Variants in CHRM3 observed in about 807,000 individuals in gnomAD.
CHRM3 encodes muscarinic acetylcholine receptor M3.
A neutral mutation model predicts 41.8 loss-of-function variants in CHRM3; 11 were observed. The ratio of observed to expected loss-of-function variants is 0.26; its 90% CI spans 0.17 to 0.44. CHRM3 has a LOEUF of 0.44. CHRM3 is among the 20% of genes least tolerant of loss of function. The pLI is 1.00. For missense variants in CHRM3, 571 were observed against 745.4 expected (o/e 0.77, Z 2.72); for synonymous variants, 297 against 301.4 (o/e 0.99, Z 0.15).
intron 1 of CHRM3, among the ~76,000 whole-genome samples, chr1:239,486,286 G>A (rs562618722): frequency 6.6e-6 from 1 of 152,218 alleles, no homozygotes; most frequent in African/African-American, 2.4e-5. Context: ...GATTTACTCT[G>A]GCTGTGGTCT....
chr1:239,483,747 G>A (rs187468455), intron 1 of CHRM3, among the ~76,000 whole-genome samples: 1 of 152,268 alleles, frequency 6.6e-6, no homozygotes, highest in African/African-American at 2.4e-5. Context: ...TAATAAAGTA[G>A]AGACAAATTA....
intron 1 of CHRM3, among the ~76,000 whole-genome samples, chr1:239,486,512 C>T (rs1412995338): frequency 5.3e-5 from 8 of 152,118 alleles, no homozygotes; most frequent in Non-Finnish European, 1.0e-4. Context: ...CAATTTAGAA[C>T]CAGAATTGGC....
At chr1:239,785,708 G>T (rs1160638826) in intron 5 of CHRM3, among the ~76,000 whole-genome samples, 1 of 151,956 alleles carries the variant, frequency 6.6e-6, no homozygotes, top group Admixed American at 6.6e-5. Context: ...CTATTCACAG[G>T]TATCAGCTGG....
intron 6 of CHRM3, among the ~76,000 whole-genome samples, chr1:239,874,614 A>G (rs527278899): frequency 6.6e-6 from 1 of 151,960 alleles, no homozygotes; most frequent in South Asian, 2.1e-4. Flanking sequence ...CACACATTCA[A>G]TGGTCTTAGT....
At chr1:239,837,619 T>C (rs1401781789) in intron 6 of CHRM3, among the ~76,000 whole-genome samples, 1 of 152,242 alleles carries the variant, frequency 6.6e-6, no homozygotes, top group Non-Finnish European at 1.5e-5. Flanking sequence ...CACAGCCTAA[T>C]AGTAGTGAAC....
chr1:239,616,141 G>T (rs1339351681), intron 3 of CHRM3, among the ~76,000 whole-genome samples: 1 of 152,170 alleles, frequency 6.6e-6, no homozygotes, highest in African/African-American at 2.4e-5. Context: ...TTAACATTGT[G>T]ATCTGCAAGT....
At chr1:239,799,355 G>A (rs1359780545) in intron 5 of CHRM3, among the ~76,000 whole-genome samples, 1 of 152,122 alleles carries the variant, frequency 6.6e-6, no homozygotes, top group Non-Finnish European at 1.5e-5. Context: ...GCAGGAAAAG[G>A]ACCAATGCAT....
chr1:239,867,838 T>TC (rs924352566), intron 6 of CHRM3, among the ~76,000 whole-genome samples: 1 of 151,952 alleles, frequency 6.6e-6, no homozygotes, highest in East Asian at 1.9e-4. Flanking sequence ...ACCTTCCATC[T>TC]CCCCTCCAAA....
At chr1:239,848,518 A>G (rs1051699348) in intron 6 of CHRM3, among the ~76,000 whole-genome samples, 4 of 152,034 alleles carry the variant, frequency 2.6e-5, no homozygotes, top group Non-Finnish European at 5.9e-5. Context: ...TATATGTTGT[A>G]TATATATATA....
chr1:239,544,903 AC>A (rs1252536961), intron 2 of CHRM3, among the ~76,000 whole-genome samples: 2 of 152,212 alleles, frequency 1.3e-5, no homozygotes, highest in African/African-American at 4.8e-5. Context: ...TGCATGGTCC[AC>A]GTGATATGGT....
intron 1 of CHRM3, among the ~76,000 whole-genome samples, chr1:239,444,877 G>A (rs992807527): frequency 1.3e-5 from 2 of 152,134 alleles, no homozygotes; most frequent in Admixed American, 6.6e-5. Flanking sequence ...GGTTGGATTT[G>A]TTGATTATTT....
intron 6 of CHRM3, among the ~76,000 whole-genome samples, chr1:239,861,058 G>A (rs977376135): frequency 1.3e-5 from 2 of 152,042 alleles, no homozygotes; most frequent in Admixed American, 1.3e-4. Context: ...CAAAATTAGA[G>A]ACTTGTTTTT....
chr1:239,618,559 A>G (rs1178564260), intron 3 of CHRM3, among the ~76,000 whole-genome samples: 1 of 151,856 alleles, frequency 6.6e-6, no homozygotes, highest in Non-Finnish European at 1.5e-5. Context: ...AAGATAGTCA[A>G]GATGGCCGGG....
At chr1:239,526,851 G>C (rs1670028101) in intron 2 of CHRM3, among the ~76,000 whole-genome samples, 2 of 152,154 alleles carry the variant, frequency 1.3e-5, no homozygotes, top group African/African-American at 2.4e-5. Flanking sequence ...GCTGGGTGCA[G>C]TGGCTCACCC....
At chr1:239,402,511 T>G (rs1032156518) in intron 1 of CHRM3, among the ~76,000 whole-genome samples, 2 of 152,204 alleles carry the variant, frequency 1.3e-5, no homozygotes, top group East Asian at 1.9e-4. Flanking sequence ...TAACTTTTGA[T>G]TCCATCTCCC....
intron 1 of CHRM3, among the ~76,000 whole-genome samples, chr1:239,464,462 T>A (rs943626932): frequency 3.9e-5 from 6 of 152,118 alleles, no homozygotes; most frequent in Admixed American, 2.6e-4. Context: ...AGCCTCCATT[T>A]CCATGGGGAC....
chr1:239,640,331 G>C (rs1413063161), intron 4 of CHRM3, among the ~76,000 whole-genome samples: 3 of 152,150 alleles, frequency 2.0e-5, no homozygotes, highest in Non-Finnish European at 4.4e-5. Flanking sequence ...AATAGTTTCA[G>C]AAGGAATGGT....
chr1:239,506,045 G>T (rs972285494), intron 2 of CHRM3, among the ~76,000 whole-genome samples: 6 of 152,146 alleles, frequency 3.9e-5, no homozygotes, highest in Admixed American at 6.6e-5. Context: ...GAATTCAAGA[G>T]GTGACTTGGG....
In CHRM3 at chr1:239,907,378, C is replaced by G; in HGVS notation, c.-19-55C>G. ...CTTTTAACGTATGTAATGCAAAGAA[C>G]AAACAAATAAAGGCAGAAATTTTTC... On this transcript the variant is annotated intron_variant, in intron 6 of 6. Transcript: ENST00000676153. This position sits in a 1 kb window ranked among gnomAD's most constrained non-coding sequence, Gnocchi z 5.4. 2 of 1,415,018 alleles carry G rather than the reference C, an allele frequency of 1.4e-6. No individual in the cohort carries two copies. Among genetic ancestry groups the G allele is most frequent in the South Asian group, 2.6e-5 (2 of 75,472 alleles). The allele number at this position is 1,415,018 out of a possible 1,614,324, so 87.7% of individuals were successfully genotyped here.
Sources: gnomAD v4.1 joint callset for allele counts (sites outside exome capture counted in the v4.1 genomes callset) on GRCh38, gnomAD v4.1.1 for gene constraint, Gnocchi (gnomAD v3.1) non-coding constraint, MANE v1.5 for transcripts, NCBI Gene and HGNC (gene_info 2026-07-23, HGNC 2026-07-21) for gene names.